The following RBM20 variants were observed in gnomAD, a reference collection of about 807,000 sequenced individuals.
RBM20 encodes RNA-binding protein 20.
In RBM20, 51 loss-of-function variants were observed where a neutral mutation model predicts 110.1. The observed-to-expected ratio is 0.46, with a 90% CI of 0.37 to 0.59. RBM20 has a LOEUF of 0.59. RBM20 is among the 20% of genes least tolerant of loss of function. The probability of loss-of-function intolerance (pLI) is 0.00; values close to 1 mark genes in which losing one functional copy is unlikely to be tolerated. For missense variants in RBM20, 1,512 were observed against 1,574.9 expected, an observed-to-expected ratio of 0.96 and a Z score of 0.68; for synonymous variants, 589 against 618.2, an observed-to-expected ratio of 0.95 and a Z score of 0.70.
At position 110,801,588 on chromosome 10, in the gene RBM20, G is replaced by A. The variant is rs369168934; in HGVS notation, c.1800+1670G>A. ...TCTTGCTCTGTCACCAGGCTGGAGCGCAGTGGTGCAATTTTGGCTCACTGC... is the reference window on the plus strand; with the variant it reads ...TCTTGCTCTGTCACCAGGCTGGAGCACAGTGGTGCAATTTTGGCTCACTGC... On this transcript the variant is annotated intron_variant, in intron 7 of 13. Transcript: ENST00000369519. Among the ~76,000 whole-genome samples the A allele has an allele frequency of 2.5e-4, 38 of 151,980 alleles. 1 individual carries two copies. The highest frequency in any genetic ancestry group is 1.2e-3 in the South Asian group (6 of 4,816).
chr10:110,812,846 G>T lies in RBM20; in HGVS notation c.2449G>T (p.Gly817Cys), dbSNP rs1266072477. 4.6e-6 allele frequency: 7 copies of T among 1,513,256 alleles called. No homozygotes were observed. Among genetic ancestry groups the T allele is most frequent in the Non-Finnish European group, 6.2e-6 (7 of 1,130,724 alleles). The allele number at this position is 1,513,256 out of a possible 1,614,324, so 93.7% of individuals were successfully genotyped here. Reference sequence around the variant, plus strand: ...GCCAAAGGTCACTAGGGCCCCTGAGGGCGCCAAGGCCAAGCAGAATGAGAA... The same window carrying T: ...GCCAAAGGTCACTAGGGCCCCTGAGTGCGCCAAGGCCAAGCAGAATGAGAA... ...LGPKVTRAPE[G>C]AKAKQNEKNK... Residue 817 changes from glycine to cysteine, a missense_variant, in exon 9 of 14, where the codon GGC becomes TGC. Physicochemically the swap from Gly to Cys is radical, Grantham distance 159. Coordinates refer to ENST00000369519, the MANE Select transcript of RBM20 (RefSeq NM_001134363.3).
At position 110,806,727 on chromosome 10, in the gene RBM20, CT is replaced by C. The variant is rs575074550; in HGVS notation, c.1801-3652del. Among the ~76,000 whole-genome samples, 583 of 152,292 alleles carry C rather than the reference CT, an allele frequency of 3.8e-3. 5 individuals carry two copies. The highest frequency in any genetic ancestry group is 0.013 in the African/African-American group (548 of 41,556). On this transcript the variant is annotated intron_variant, in intron 7 of 13. Transcript: ENST00000369519. ...GGGGTTCAGTAAACCATTCTCTCTA[CT>C]TTTGTGTATGTTTGAAATTTTCTAC...
At chr10:110,721,453 C>G (rs1843503452) in intron 1 of RBM20, among the ~76,000 whole-genome samples, 1 of 152,188 alleles carries the variant, frequency 6.6e-6, no homozygotes, top group African/African-American at 2.4e-5. Flanking sequence ...AATGCCGTTT[C>G]CCATGGGCCT....
At chr10:110,815,203 T>C (rs1844823343) in intron 9 of RBM20, among the ~76,000 whole-genome samples, 1 of 152,238 alleles carries the variant, frequency 6.6e-6, no homozygotes, top group South Asian at 2.1e-4. Context: ...CTGCAACTTA[T>C]ACAGTTGTAA....
At chr10:110,728,818 A>T (rs1377030011) in intron 1 of RBM20, among the ~76,000 whole-genome samples, 2 of 152,158 alleles carry the variant, frequency 1.3e-5, no homozygotes, top group Non-Finnish European at 2.9e-5. Flanking sequence ...CTCAGGACTG[A>T]CAGCAGGCTG....
chr10:110,753,528 T>G (rs2840311), intron 1 of RBM20, among the ~76,000 whole-genome samples: 6 of 151,990 alleles, frequency 3.9e-5, no homozygotes, highest in African/African-American at 1.4e-4. Context: ...TGAAATGTAA[T>G]CTTTAGAATT....
chr10:110,815,121 G>A (rs1590697898), intron 9 of RBM20, among the ~76,000 whole-genome samples: 2 of 152,170 alleles, frequency 1.3e-5, no homozygotes, highest in Non-Finnish European at 2.9e-5. Context: ...GCAGGGAATC[G>A]GTTGCATCTC....
intron 1 of RBM20, among the ~76,000 whole-genome samples, chr10:110,774,763 A>G (rs188699970): frequency 3.5e-4 from 54 of 152,324 alleles, no homozygotes; most frequent in Non-Finnish European, 7.5e-4. Flanking sequence ...GCTCACTCTT[A>G]AAGTGTGATC....
At chr10:110,754,464 T>A (rs1843897437) in intron 1 of RBM20, among the ~76,000 whole-genome samples, 1 of 152,188 alleles carries the variant, frequency 6.6e-6, no homozygotes, top group Admixed American at 6.5e-5. Flanking sequence ...GGGACTCCAG[T>A]CAAATATATG....
chr10:110,759,635 C>T (rs891609774), intron 1 of RBM20, among the ~76,000 whole-genome samples: 6 of 152,086 alleles, frequency 3.9e-5, no homozygotes, highest in Admixed American at 6.5e-5. Context: ...TGGCAGGGAC[C>T]GGCTCTGTCC....
At chr10:110,732,698 ACT>A (rs1352177768) in intron 1 of RBM20, among the ~76,000 whole-genome samples, 1 of 151,862 alleles carries the variant, frequency 6.6e-6, no homozygotes, top group South Asian at 2.1e-4. Flanking sequence ...CAGAGCAAAA[ACT>A]CTTCAGGGAG....
At chr10:110,823,181 G>A (rs941501601) in intron 11 of RBM20, among the ~76,000 whole-genome samples, 2 of 152,114 alleles carry the variant, frequency 1.3e-5, no homozygotes, top group Non-Finnish European at 2.9e-5. Context: ...GGGAGGCATG[G>A]GGGGTGGGGG....
At chr10:110,652,459 T>G (rs563132799) in intron 1 of RBM20, among the ~76,000 whole-genome samples, 2 of 152,342 alleles carry the variant, frequency 1.3e-5, no homozygotes, top group East Asian at 1.9e-4. Flanking sequence ...AACTATTTTT[T>G]TCTTTATCTA....
chr10:110,805,385 C>T (rs924756279), intron 7 of RBM20, among the ~76,000 whole-genome samples: 2 of 152,198 alleles, frequency 1.3e-5, no homozygotes, highest in Non-Finnish European at 2.9e-5. Context: ...TCAGGGCTGC[C>T]TTGACAGGAT....
intron 1 of RBM20, among the ~76,000 whole-genome samples, chr10:110,736,669 C>T (rs1843673794): frequency 6.6e-6 from 1 of 152,146 alleles, no homozygotes; most frequent in South Asian, 2.1e-4. Flanking sequence ...GCCAAACACC[C>T]TGTGGGCCTA....
At chr10:110,718,981 T>C (rs1843471361) in intron 1 of RBM20, among the ~76,000 whole-genome samples, 3 of 152,242 alleles carry the variant, frequency 2.0e-5, no homozygotes, top group Admixed American at 2.0e-4. Context: ...GCTTAAATAA[T>C]ACGCTGTTGA....
chr10:110,690,625 A>G (rs1369817213), intron 1 of RBM20, among the ~76,000 whole-genome samples: 2 of 152,186 alleles, frequency 1.3e-5, no homozygotes, highest in Non-Finnish European at 2.9e-5. Flanking sequence ...TATCTCATAT[A>G]AGTAAAACCA....
Position 110,781,785 on chromosome 10 carries a change from G to C in RBM20, c.1176G>C (p.Arg392=). 6.4e-7 allele frequency: 1 copy of C among 1,551,788 alleles called. No homozygotes were observed. Among genetic ancestry groups the C allele is most frequent in the Non-Finnish European group, 8.7e-7 (1 of 1,147,016 alleles). ...AGGACCAGGCGTTGCTATCTGTGCG[G>C]CCCCTGCAGGCTCATGAGCTGAACG... ...AKEDQALLSV[R]PLQAHELNDF... is the part of the protein sequence containing the mutation. The change falls in exon 2 of 14, where the codon CGG becomes CGC. Residue 392 remains arginine, a synonymous_variant. Transcript: ENST00000369519.
At chr10:110,747,637 A>G in intron 1 of RBM20, among the ~76,000 whole-genome samples, 1 of 152,228 alleles carries the variant, frequency 6.6e-6, no homozygotes, top group East Asian at 1.9e-4. Flanking sequence ...GAAAACTAAC[A>G]CCCAGGGTTT....
Sources: allele counts gnomAD v4.1 joint callset (sites outside exome capture counted in the v4.1 genomes callset), GRCh38; gene constraint gnomAD v4.1.1; transcripts MANE v1.5; gene names NCBI Gene and HGNC (gene_info 2026-07-23, HGNC 2026-07-21).